SLC39A10: variants seen among roughly 807,000 people sequenced by gnomAD.
SLC39A10 encodes the protein solute carrier family 39 member 10, also known as zinc transporter ZIP10.
Under a neutral mutation model 65.1 loss-of-function variants are expected in SLC39A10, and 13 were observed. The ratio of observed to expected loss-of-function variants is 0.20; its 90% CI spans 0.13 to 0.32. SLC39A10 has a LOEUF of 0.32. Among genes scored for constraint, SLC39A10 ranks in the 10% least tolerant of loss-of-function variants. The probability of loss-of-function intolerance (pLI) is 1.00; values close to 1 mark genes in which losing one functional copy is unlikely to be tolerated. For synonymous variants in SLC39A10, 321 were observed against 342.2 expected (o/e 0.94, Z 0.68); for missense variants, 831 against 1,018.4 (o/e 0.82, Z 2.50).
intron 2 of SLC39A10, among the ~76,000 whole-genome samples, chr2:195,623,379 T>G (rs1285427019): frequency 6.6e-6 from 1 of 152,186 alleles, no homozygotes. Flanking sequence ...AGTATTTCCT[T>G]GTCCCCCACT....
chr2:195,680,917 G>T lies in SLC39A10; in HGVS notation c.875G>T (p.Arg292Leu), dbSNP rs201487868. 19 of 1,613,874 alleles carry T rather than the reference G, an allele frequency of 1.2e-5. No homozygotes were observed. The highest frequency in any genetic ancestry group is 3.3e-4 in the Middle Eastern group (2 of 6,084). ...GAACGTAATGGTCATGATCCTGGTC[G>T]TGGACACCAAGATCTTGATCCTGAT... ...LPERNGHDPG[R>L]GHQDLDPDNE... Residue 292 changes from arginine to leucine, a missense_variant, in exon 2 of 10, where the codon CGT becomes CTT. Around this residue, in one of 4 missense-constraint regions of SLC39A10, gnomAD observed 446 missense variants for 499.2 expected, o/e 0.89. Coordinates refer to ENST00000359634, the MANE Select transcript of SLC39A10 (RefSeq NM_020342.3).
intron 1 of SLC39A10, among the ~76,000 whole-genome samples, chr2:195,678,915 C>A (rs1444543479): frequency 6.6e-6 from 1 of 152,074 alleles, no homozygotes; most frequent in African/African-American, 2.4e-5. Context: ...TTCATCTATT[C>A]TGGAAAACTT....
chr2:195,623,901 C>CCACACA (rs67959883), intron 2 of SLC39A10, among the ~76,000 whole-genome samples: 1,814 of 142,928 alleles, frequency 0.013, 13 homozygotes, highest in African/African-American at 0.023. Context: ...AAACAAAAAA[C>CCACACA]CACACACACA....
intron 2 of SLC39A10, among the ~76,000 whole-genome samples, chr2:195,648,494 A>G (rs1021251782): frequency 2.0e-5 from 3 of 152,166 alleles, no homozygotes; most frequent in African/African-American, 7.2e-5. Flanking sequence ...TCTGGGCAAC[A>G]TGATGAAACT....
At chr2:195,675,466 C>A (rs181020616) in intron 1 of SLC39A10, among the ~76,000 whole-genome samples, 220 of 152,298 alleles carry the variant, frequency 1.4e-3, no homozygotes, top group African/African-American at 5.0e-3. Flanking sequence ...GACATAGTCT[C>A]GCTCTGTCGC....
At position 195,683,901 on chromosome 2, in the gene SLC39A10, C is replaced by T; in HGVS notation, c.1211C>T (p.Ala404Val). 3 of 1,609,526 alleles carry T rather than the reference C, an allele frequency of 1.9e-6. No individual in the cohort carries two copies. Among genetic ancestry groups the T allele is most frequent in the Non-Finnish European group, 2.5e-6 (3 of 1,177,646 alleles). Residue 404 changes from alanine (A) to valine (V), a missense_variant, in exon 3 of 10, where the codon GCA (alanine) becomes GTA (valine). This residue lies in a region of SLC39A10 where 446 missense variants were observed against 499.2 expected (regional missense o/e 0.89). Coordinates refer to ENST00000359634, the MANE Select transcript of SLC39A10 (RefSeq NM_020342.3). ...CCTGAAGATGAGGCAAATATAGGGGCATCAGGTAAGAGAGATTTTAAGTTT... is the reference window on the plus strand; with the variant it reads ...CCTGAAGATGAGGCAAATATAGGGGTATCAGGTAAGAGAGATTTTAAGTTT... Reference protein sequence around the residue: ...LVPEDEANIGASAWICGIISI... With the variant: ...LVPEDEANIGVSAWICGIISI...
intron 8 of SLC39A10, among the ~76,000 whole-genome samples, chr2:195,727,852 A>G (rs1692301514): frequency 6.6e-6 from 1 of 152,122 alleles, no homozygotes; most frequent in Admixed American, 6.5e-5. Context: ...CTCTTCCTTT[A>G]GAGTCGCAGC....
At chr2:195,660,898 TGA>T (rs1398652310) in intron 1 of SLC39A10, among the ~76,000 whole-genome samples, 2 of 152,208 alleles carry the variant, frequency 1.3e-5, no homozygotes, top group Admixed American at 1.3e-4. Context: ...TAATAAAGTT[TGA>T]AAGTGTTAAA....
rs542810964 is a variant in SLC39A10, at chr2:195,734,831, G to T, written c.2338-52G>T. ...AAGTAGGAAAATGTTTTTAAAAACT[G>T]TTTTGAGCAGAAGTATTATACAAAG... On this transcript the variant is annotated intron_variant, in intron 9 of 9. Transcript: ENST00000359634. The T allele has an allele frequency of 5.3e-6, 8 of 1,496,024 alleles. No homozygotes were observed. In the South Asian group the frequency reaches 8.2e-5, roughly 15 times the overall value. The allele number at this position is 1,496,024 out of a possible 1,614,324, so 92.7% of individuals were successfully genotyped here.
At chr2:195,664,687 T>G (rs1433422276) in intron 1 of SLC39A10, among the ~76,000 whole-genome samples, 1 of 152,126 alleles carries the variant, frequency 6.6e-6, no homozygotes, top group Non-Finnish European at 1.5e-5. Flanking sequence ...ATAATGTGAA[T>G]GAGAGTGCTA....
intron 5 of SLC39A10, among the ~76,000 whole-genome samples, chr2:195,709,316 C>G (rs937899046): frequency 1.3e-5 from 2 of 152,152 alleles, no homozygotes; most frequent in African/African-American, 4.8e-5. Context: ...ACAGCAACCT[C>G]CACCTCTTAG....
intron 8 of SLC39A10, among the ~76,000 whole-genome samples, chr2:195,723,716 G>A (rs151000102): frequency 6.6e-6 from 1 of 151,042 alleles, no homozygotes; most frequent in Non-Finnish European, 1.5e-5. Flanking sequence ...TGAGTAATGT[G>A]TTTCAACTTC....
intron 2 of SLC39A10, among the ~76,000 whole-genome samples, chr2:195,646,430 T>C (rs1688916780): frequency 6.6e-6 from 1 of 152,202 alleles, no homozygotes; most frequent in African/African-American, 2.4e-5. Context: ...CATTACCACA[T>C]ATGTGGTGGC....
chr2:195,682,521 G>A (rs951166013), intron 2 of SLC39A10, among the ~76,000 whole-genome samples: 3 of 151,868 alleles, frequency 2.0e-5, no homozygotes, highest in Non-Finnish European at 2.9e-5. Flanking sequence ...CAAACTCCTC[G>A]CCTCAAGTAG....
chr2:195,734,030 T>C (rs1227932522), intron 9 of SLC39A10, among the ~76,000 whole-genome samples: 1 of 152,028 alleles, frequency 6.6e-6, no homozygotes, highest in East Asian at 1.9e-4. Context: ...GAGATGCCAA[T>C]TTGGATTTGT....
At chr2:195,671,957 ATCT>A (rs1184794211) in intron 1 of SLC39A10, among the ~76,000 whole-genome samples, 2 of 149,898 alleles carry the variant, frequency 1.3e-5, no homozygotes, top group African/African-American at 4.9e-5. Context: ...CGGAGCGGTC[ATCT>A]TTTTTTTTTT....
chr2:195,653,080 T>C (rs765557443), upstream of SLC39A10, among the ~76,000 whole-genome samples: 3 of 151,946 alleles, frequency 2.0e-5, no homozygotes, highest in South Asian at 2.1e-4. Context: ...CCAAAAAAAG[T>C]TGGGGACTGC....
intron 9 of SLC39A10, among the ~76,000 whole-genome samples, chr2:195,734,678 GAGTT>G (rs1383990748): frequency 2.6e-5 from 4 of 152,234 alleles, no homozygotes; most frequent in African/African-American, 9.6e-5. Flanking sequence ...GGAGGGAACA[GAGTT>G]AGTATTTCCT....
chr2:195,708,463 T>G (rs1691487332), intron 4 of SLC39A10, among the ~76,000 whole-genome samples, 193 bp from the exon 5 acceptor site: 1 of 152,182 alleles, frequency 6.6e-6, no homozygotes. Flanking sequence ...TACTGTAAAA[T>G]GTAGTAGTAT....
Sources: gnomAD v4.1 joint callset for allele counts (sites outside exome capture counted in the v4.1 genomes callset) on GRCh38, gnomAD v4.1.1 for gene constraint, gnomAD v4.1.1 regional missense constraint, MANE v1.5 for transcripts, NCBI Gene and HGNC (gene_info 2026-07-23, HGNC 2026-07-21) for gene names.